UNC13B: variants seen among roughly 807,000 people sequenced by gnomAD.
UNC13B encodes unc-13 homolog B, also known as protein unc-13 homolog B.
In UNC13B, 144 loss-of-function variants were observed where a neutral mutation model predicts 211.0. The observed-to-expected ratio is 0.68, with a 90% CI of 0.60 to 0.78. UNC13B has a LOEUF of 0.78. UNC13B is among the 30% of genes least tolerant of loss of function. UNC13B has a pLI of 0.00. For missense variants in UNC13B, 1,777 were observed against 2,002.0 expected, an observed-to-expected ratio of 0.89 and a Z score of 2.14; for synonymous variants, 709 against 725.8, an observed-to-expected ratio of 0.98 and a Z score of 0.37.
At chr9:35,398,312 A>G in intron 31 of UNC13B, 24 bp downstream of exon 31, 1 of 1,608,110 alleles carries the variant, frequency 6.2e-7, no homozygotes, top group Non-Finnish European at 8.5e-7. Context: ...TTTGGGAGTC[A>G]CTGTATTTTC....
chr9:35,300,594 C>T lies in UNC13B; in HGVS notation c.1190C>T (p.Thr397Ile), dbSNP rs1190681383. ...AAGCAGGAAAATTTACAGTCACCAA[C>T]ATGGCATTCATCCAATGTCCACCAT... ...SDKQENLQSP[T>I]WHSSNVHHIG... The change falls in exon 9 of 40, where the codon ACA becomes ATA. Residue 397 changes from threonine (T) to isoleucine (I), a missense_variant. Transcript: ENST00000635942. 3 of 398,882 alleles carry T rather than the reference C, an allele frequency of 7.5e-6. No individual in the cohort carries two copies. The Admixed American group carries it at 1.3e-4, about 18-fold the overall frequency. 24.7% of individuals were successfully genotyped at this position (398,882 alleles called of 1,614,324 possible).
intron 1 of UNC13B, among the ~76,000 whole-genome samples, chr9:35,186,243 T>C (rs1822353346): frequency 6.6e-6 from 1 of 152,142 alleles, no homozygotes; most frequent in Non-Finnish European, 1.5e-5. Context: ...ACCTATTCTC[T>C]CTGAAGCCTG....
At chr9:35,201,004 T>C (rs531505053) in intron 1 of UNC13B, among the ~76,000 whole-genome samples, 112 of 152,238 alleles carry the variant, frequency 7.4e-4, no homozygotes, top group Non-Finnish European at 1.1e-3. Flanking sequence ...TTTTGAGATA[T>C]GTCCCATCAG....
chr9:35,316,808 C>T (rs181206164), intron 11 of UNC13B, among the ~76,000 whole-genome samples: 89 of 152,034 alleles, frequency 5.9e-4, no homozygotes, highest in African/African-American at 2.1e-3. Flanking sequence ...TTATCTTTTT[C>T]GGCTGTGACA....
chr9:35,174,150 T>C (rs78391413), intron 1 of UNC13B, among the ~76,000 whole-genome samples: 2 of 129,056 alleles, frequency 1.5e-5, no homozygotes, highest in Admixed American at 7.7e-5. Flanking sequence ...CTCTCTCTCT[T>C]TTTTTGAGAC....
intron 11 of UNC13B, chr9:35,341,765 T>A (rs1051198318): frequency 2.7e-5 from 5 of 183,018 alleles, no homozygotes; most frequent in African/African-American, 1.2e-4. Context: ...TGCGTGAGTG[T>A]GCTGGGAAGG....
At chr9:35,193,843 G>A (rs970188963) in intron 1 of UNC13B, among the ~76,000 whole-genome samples, 1 of 152,212 alleles carries the variant, frequency 6.6e-6, no homozygotes, top group African/African-American at 2.4e-5. Flanking sequence ...AAAGGGAAGA[G>A]AATTGGGAAG....
At chr9:35,254,739 C>A (rs540843882) in intron 6 of UNC13B, among the ~76,000 whole-genome samples, 1 of 150,528 alleles carries the variant, frequency 6.6e-6, no homozygotes, top group Non-Finnish European at 1.5e-5. Context: ...TACTCATCAA[C>A]TCTTATTATT....
rs371689397 is a variant in UNC13B, at chr9:35,403,797, G to T, written c.12787G>T (p.Val4263Leu). 2 of 1,614,166 alleles carry T rather than the reference G, an allele frequency of 1.2e-6. No homozygotes were observed. Among genetic ancestry groups the T allele is most frequent in the Non-Finnish European group, 1.7e-6 (2 of 1,180,028 alleles). Residue 4263 changes from valine to leucine, a missense_variant, in exon 40 of 40, where the codon GTG (valine) becomes TTG (leucine). Coordinates refer to ENST00000635942, the MANE Select transcript of UNC13B (RefSeq NM_001371189.2). The stretch of plus-strand genomic sequence containing the variant: ...CGAGTCCTATGAGTTGCAGATATGC[G>T]TGAAGGATTACTGCTTTGCCCGGGA... ...GPESYELQICVKDYCFAREDR... is the reference protein window; with the variant it reads ...GPESYELQICLKDYCFAREDR...
At chr9:35,179,287 C>T (rs1242221591) in intron 1 of UNC13B, among the ~76,000 whole-genome samples, 1 of 152,082 alleles carries the variant, frequency 6.6e-6, no homozygotes, top group Non-Finnish European at 1.5e-5. Flanking sequence ...TATTCGTGGA[C>T]AGCATTATAG....
At chr9:35,224,606 G>A (rs1432002523) in intron 1 of UNC13B, among the ~76,000 whole-genome samples, 4 of 152,098 alleles carry the variant, frequency 2.6e-5, no homozygotes, top group Non-Finnish European at 5.9e-5. Flanking sequence ...CTCTTTTCCA[G>A]TGTGGTTGCC....
In UNC13B at chr9:35,304,850, C is replaced by A; in HGVS notation, c.5446C>A (p.Leu1816Ile). ...EGNSPNVEKSLLKDSERQIVS... is the reference protein window; with the variant it reads ...EGNSPNVEKSILKDSERQIVS... ...TAACTCCCCAAATGTGGAAAAAAGT[C>A]TTCTTAAGGATTCAGAAAGACAGAT... is the stretch of plus-strand genomic sequence containing the variant. The change falls in exon 9 of 40, where the codon CTT becomes ATT. Residue 1816 changes from leucine (L) to isoleucine (I), a missense_variant. Physicochemically the swap from Leu to Ile is conservative, Grantham distance 5. Transcript: ENST00000635942. 2.5e-6 allele frequency: 1 copy of A among 398,854 alleles called. No homozygotes were observed. The highest frequency in any genetic ancestry group is 4.4e-6 in the Non-Finnish European group (1 of 225,964). The allele number at this position is 398,854 out of a possible 1,614,324, so 24.7% of individuals were successfully genotyped here.
intron 1 of UNC13B, among the ~76,000 whole-genome samples, chr9:35,212,487 C>T (rs1824023191): frequency 6.6e-6 from 1 of 152,138 alleles, no homozygotes; most frequent in South Asian, 2.1e-4. Context: ...GCACAAGAAT[C>T]GCTTCAACCC....
At chr9:35,282,463 C>G (rs1828553261) in intron 7 of UNC13B, among the ~76,000 whole-genome samples, 1 of 152,148 alleles carries the variant, frequency 6.6e-6, no homozygotes, top group African/African-American at 2.4e-5. Flanking sequence ...GATAGTCTCA[C>G]TCTGTCACCC....
At chr9:35,286,753 A>G (rs1828818610) in intron 7 of UNC13B, among the ~76,000 whole-genome samples, 1 of 152,140 alleles carries the variant, frequency 6.6e-6, no homozygotes, top group African/African-American at 2.4e-5. Context: ...AAGCCTCCAT[A>G]AAAATCCCAA....
At chr9:35,385,526 C>T (rs1229820269) in intron 22 of UNC13B, 198 bp from the exon 23 acceptor site, 2 of 985,170 alleles carry the variant, frequency 2.0e-6, no homozygotes, top group African/African-American at 3.5e-5. Context: ...GAGTATTAAC[C>T]CCTGCTTTTG....
Position 35,381,624 on chromosome 9 carries a change from C to T in UNC13B, c.10560C>T (p.Asp3520=), listed in dbSNP as rs199752726. 4.7e-5 allele frequency: 76 copies of T among 1,614,086 alleles called. No individual in the cohort carries two copies. The highest frequency in any genetic ancestry group is 1.6e-4 in the Middle Eastern group (1 of 6,084). ...TCCGCATCCCTGAAGCTCGAGGAGACGATGCCTGGAAGGTGTACTTTGATG... is the reference window on the plus strand; with the variant it reads ...TCCGCATCCCTGAAGCTCGAGGAGATGATGCCTGGAAGGTGTACTTTGATG... ...GGVRIPEARG[D]DAWKVYFDET... Residue 3520 remains aspartate (D), a synonymous_variant, in exon 20 of 40, where the codon GAC becomes GAT. Coordinates refer to ENST00000635942, the MANE Select transcript of UNC13B (RefSeq NM_001371189.2).
rs780641411 is a variant in UNC13B, at chr9:35,399,449, G to T, written c.12255+1G>T. ...GCTGAGCCATCTTTCCAAACTCAAG[G>T]TACTCTGGGTGTGGGGTCCTCCTGG... On this transcript the variant is annotated splice_donor_variant, in intron 35 of 39. Coordinates refer to ENST00000635942, the MANE Select transcript of UNC13B (RefSeq NM_001371189.2). LOFTEE classifies it high-confidence loss of function. 4 of 1,614,108 alleles carry T rather than the reference G, an allele frequency of 2.5e-6. No homozygotes were observed. In the East Asian group the frequency reaches 8.9e-5, roughly 36 times the overall value.
At position 35,385,828 on chromosome 9, in the gene UNC13B, G is replaced by A. The variant is rs746364010; in HGVS notation, c.10965+15G>A. The A allele has an allele frequency of 1.0e-5, 16 of 1,603,450 alleles. No individual in the cohort carries two copies. Among genetic ancestry groups the A allele is most frequent in the Non-Finnish European group, 1.4e-5 (16 of 1,171,906 alleles). ...TCAGAATGAAGGTAAGAAATGGACT[G>A]GGGCTTGGGTGGTGCTGGGCTGGAG... On this transcript the variant is annotated intron_variant, in intron 23 of 39. Coordinates refer to ENST00000635942, the MANE Select transcript of UNC13B (RefSeq NM_001371189.2).
Sources: allele counts gnomAD v4.1 joint callset (sites outside exome capture counted in the v4.1 genomes callset), GRCh38; gene constraint gnomAD v4.1.1; transcripts MANE v1.5; gene names NCBI Gene and HGNC (gene_info 2026-07-23, HGNC 2026-07-21).